ADAM32: variants seen among roughly 807,000 people sequenced by gnomAD.
ADAM32 encodes the protein disintegrin and metalloproteinase domain-containing protein 32.
Under a neutral mutation model 114.9 loss-of-function variants are expected in ADAM32, and 89 were observed. The ratio of observed to expected loss-of-function variants is 0.77; its 90% CI spans 0.65 to 0.92. ADAM32 has a LOEUF of 0.92. Ranked by LOEUF, ADAM32 falls within the 40% of genes least tolerant of loss-of-function variation. ADAM32 has a pLI of 0.00. For missense variants in ADAM32, 870 were observed against 932.8 expected, an observed-to-expected ratio of 0.93 and a Z score of 0.88; for synonymous variants, 285 against 307.5, an observed-to-expected ratio of 0.93 and a Z score of 0.77.
intron 10 of ADAM32, among the ~76,000 whole-genome samples, chr8:39,171,127 G>T (rs1025844070): frequency 2.0e-5 from 3 of 151,976 alleles, no homozygotes; most frequent in Non-Finnish European, 2.9e-5. Context: ...GTAAAGAAGG[G>T]TTTTGAACAT....
intron 18 of ADAM32, among the ~76,000 whole-genome samples, chr8:39,256,165 C>T (rs750398978): frequency 6.6e-6 from 1 of 151,838 alleles, no homozygotes; most frequent in Non-Finnish European, 1.5e-5. Flanking sequence ...TGAATGTGCC[C>T]GATCTTGTCT....
At position 39,160,906 on chromosome 8, in the gene ADAM32, G is replaced by A. The variant is rs1423408467; in HGVS notation, c.535G>A (p.Ala179Thr). ...TTTTCCTTTTTTCTAGTCAGAACCA[G>A]CTGTTCCAGATTTATTTCCTCTTTA... is the stretch of plus-strand genomic sequence containing the variant. ...NIFISEKSEPAVPDLFPLYLE... is the reference protein window; with the variant it reads ...NIFISEKSEPTVPDLFPLYLE... Residue 179 changes from alanine (A) to threonine (T), a missense_variant, in exon 7 of 25, where the codon GCT becomes ACT. Physicochemically the swap from Ala to Thr is moderately conservative, Grantham distance 58 (BLOSUM62 0). Transcript: ENST00000379907. 6.3e-7 allele frequency: 1 copy of A among 1,595,212 alleles called. No individual in the cohort carries two copies. Among genetic ancestry groups the A allele is most frequent in the Admixed American group, 1.8e-5 (1 of 56,988 alleles).
chr8:39,280,703 T>C (rs979980766), intron 22 of ADAM32, among the ~76,000 whole-genome samples: 40 of 152,196 alleles, frequency 2.6e-4, no homozygotes, highest in African/African-American at 9.2e-4. Context: ...TAAAATGGCC[T>C]GTTTTTCATT....
Position 39,169,923 on chromosome 8 carries a change from G to A in ADAM32, c.841G>A (p.Asp281Asn). 6.3e-7 allele frequency: 1 copy of A among 1,586,958 alleles called. No homozygotes were observed. The highest frequency in any genetic ancestry group is 8.6e-7 in the Non-Finnish European group (1 of 1,160,272). ...GTAAATTTATTTATTTAGTTATATGGATTATCCTCGTTATTTGGGAGCAGT... is the reference window on the plus strand; with the variant it reads ...GTAAATTTATTTATTTAGTTATATGAATTATCCTCGTTATTTGGGAGCAGT... ...HDIAYLLIYM[D>N]YPRYLGAVFP... The change falls in exon 10 of 25, where the codon GAT (aspartate) becomes AAT (asparagine). Residue 281 changes from aspartate to asparagine, a missense_variant. Coordinates refer to ENST00000379907, the MANE Select transcript of ADAM32 (RefSeq NM_145004.7).
At chr8:39,212,102 C>T (rs910387693) in intron 12 of ADAM32, among the ~76,000 whole-genome samples, 3 of 152,018 alleles carry the variant, frequency 2.0e-5, no homozygotes, top group African/African-American at 4.8e-5. Context: ...CTTCAACCTC[C>T]GCCTCCTGGG....
chr8:39,261,721 T>G (rs920538414), intron 19 of ADAM32, among the ~76,000 whole-genome samples: 3 of 152,228 alleles, frequency 2.0e-5, no homozygotes, highest in Admixed American at 1.3e-4. Flanking sequence ...TATTTTTTTT[T>G]GTCTTTTTGA....
At chr8:39,144,005 C>T (rs1485402644) in intron 3 of ADAM32, among the ~76,000 whole-genome samples, 3 of 152,210 alleles carry the variant, frequency 2.0e-5, no homozygotes, top group Admixed American at 2.0e-4. Flanking sequence ...AGAAAGGCTC[C>T]ATGGGCATGG....
At chr8:39,122,866 G>A (rs2129444494) in intron 2 of ADAM32, among the ~76,000 whole-genome samples, 1 of 152,330 alleles carries the variant, frequency 6.6e-6, no homozygotes, top group Admixed American at 6.5e-5. Context: ...ACCACACCTG[G>A]TCCTAAAATT....
At chr8:39,108,491 C>T (rs1468520534) in intron 1 of ADAM32, among the ~76,000 whole-genome samples, 2 of 151,990 alleles carry the variant, frequency 1.3e-5, no homozygotes, top group Non-Finnish European at 2.9e-5. Context: ...TACTTAACAG[C>T]AAAATGATTG....
At chr8:39,274,625 A>C (rs1377752429) in intron 21 of ADAM32, among the ~76,000 whole-genome samples, 1 of 152,228 alleles carries the variant, frequency 6.6e-6, no homozygotes, top group East Asian at 1.9e-4. Context: ...AAGAAAAAGA[A>C]TGTATAGGGC....
chr8:39,130,180 C>G (rs772401739), intron 2 of ADAM32: 35 of 155,952 alleles, frequency 2.2e-4, no homozygotes, highest in Non-Finnish European at 4.1e-4. Context: ...GTCTTGAACT[C>G]CTGACGTCAA....
chr8:39,145,017 A>C (rs2129445314), intron 3 of ADAM32, among the ~76,000 whole-genome samples: 1 of 152,298 alleles, frequency 6.6e-6, no homozygotes, highest in Non-Finnish European at 1.5e-5. Context: ...ATTTCTATAC[A>C]TTAATAAGAA....
chr8:39,278,798 T>G (rs1433353526), intron 22 of ADAM32, among the ~76,000 whole-genome samples: 1 of 152,156 alleles, frequency 6.6e-6, no homozygotes, highest in Admixed American at 6.5e-5. Flanking sequence ...ACCCTTTTAG[T>G]TTCAGTTTAG....
At position 39,221,717 on chromosome 8, in the gene ADAM32, T is replaced by C; in HGVS notation, c.1326+15T>C. ...AAGACTGTCAAGTAAGATTTAAGCT[T>C]ATGAACATCTTTCAAATATATAACA... On this transcript the variant is annotated intron_variant, in intron 13 of 24. Transcript: ENST00000379907. 1 of 1,581,884 alleles carries C rather than the reference T, an allele frequency of 6.3e-7. No homozygotes were observed. Among genetic ancestry groups the C allele is most frequent in the South Asian group, 1.1e-5 (1 of 89,050 alleles).
At chr8:39,131,912 A>C in intron 2 of ADAM32, 1 of 197,576 alleles carries the variant, frequency 5.1e-6, no homozygotes, top group Non-Finnish European at 1.1e-5. Flanking sequence ...TTATTTTTTG[A>C]GATGGAGTTT....
intron 16 of ADAM32, among the ~76,000 whole-genome samples, chr8:39,245,012 T>G (rs1810813166): frequency 6.6e-6 from 1 of 152,104 alleles, no homozygotes; most frequent in South Asian, 2.1e-4. Context: ...AGATGGGACT[T>G]AATTAAACTA....
intron 17 of ADAM32, among the ~76,000 whole-genome samples, chr8:39,247,589 G>C (rs1479840754): frequency 1.1e-4 from 17 of 152,088 alleles, no homozygotes; most frequent in African/African-American, 4.1e-4. Context: ...TTGAATAACA[G>C]TCATGTATCT....
chr8:39,149,233 G>A (rs1803680686), intron 4 of ADAM32, among the ~76,000 whole-genome samples: 1 of 152,072 alleles, frequency 6.6e-6, no homozygotes, highest in African/African-American at 2.4e-5. Context: ...GTGTTATTAA[G>A]TGAATGCCAA....
intron 21 of ADAM32, 126 bp downstream of exon 21, chr8:39,274,476 C>A: frequency 9.8e-7 from 1 of 1,016,616 alleles, no homozygotes; most frequent in South Asian, 1.5e-5. Flanking sequence ...AAAATCCAGA[C>A]TGCTAATATA....
Sources: gnomAD v4.1 joint callset for allele counts (sites outside exome capture counted in the v4.1 genomes callset) on GRCh38, gnomAD v4.1.1 for gene constraint, MANE v1.5 for transcripts, NCBI Gene and HGNC (gene_info 2026-07-23, HGNC 2026-07-21) for gene names.